MEF2A: variants seen among roughly 807,000 people sequenced by gnomAD.
The protein encoded by MEF2A is myocyte enhancer factor 2A, also known as myocyte-specific enhancer factor 2A.
In MEF2A, 28 loss-of-function variants were observed where a neutral mutation model predicts 55.8. That is an observed-to-expected ratio of 0.50 (90% CI 0.37 to 0.69). The LOEUF (loss-of-function observed/expected upper bound fraction) is 0.69, where lower values mean the gene tolerates loss of function less well. Ranked by LOEUF, MEF2A falls within the 30% of genes least tolerant of loss-of-function variation. The probability of loss-of-function intolerance (pLI) is 0.00; values close to 1 mark genes in which losing one functional copy is unlikely to be tolerated. For synonymous variants in MEF2A, 239 were observed against 227.1 expected, an observed-to-expected ratio of 1.05 and a Z score of -0.47; for missense variants, 528 against 626.2, an observed-to-expected ratio of 0.84 and a Z score of 1.67.
chr15:99,710,674 C>T lies in MEF2A; in HGVS notation c.1050C>T (p.Gly350=), dbSNP rs1201710418. The T allele has an allele frequency of 6.2e-7, 1 of 1,613,728 alleles. No homozygotes were observed. The highest frequency in any genetic ancestry group is 2.2e-5 in the East Asian group (1 of 44,874). Reference sequence around the variant, plus strand: ...GCGCTGACCTGTCAGCCCTTCAAGGCTTCAACTCGCCAGGAATGCTGTCGC... The same window carrying T: ...GCGCTGACCTGTCAGCCCTTCAAGGTTTCAACTCGCCAGGAATGCTGTCGC... ...LTSADLSALQ[G]FNSPGMLSLG... Residue 350 remains glycine (G), a synonymous_variant, in exon 11 of 12, where the codon GGC becomes GGT. Transcript: ENST00000557942.
At chr15:99,697,877 G>A (rs2056737873) in intron 8 of MEF2A, among the ~76,000 whole-genome samples, 2 of 152,238 alleles carry the variant, frequency 1.3e-5, no homozygotes, top group South Asian at 2.1e-4. Flanking sequence ...AAAAGGATGG[G>A]CACATAGATC....
Position 99,602,653 on chromosome 15 carries a change from G to GGGGTGT in MEF2A, c.-143+4143_-143+4144insGGTGTG, listed in dbSNP as rs1555454713. Reference sequence around the variant, plus strand: ...CCTGGTGGTTGCCTGACATTCCTGGGGTGTGTGTGTGTGTGTGTGTGTGTG... The same window carrying GGGGTGT: ...CCTGGTGGTTGCCTGACATTCCTGGGGGGTGTGTGTGTGTGTGTGTGTGTGTGTGTG... On this transcript the variant is annotated intron_variant, in intron 2 of 11. Coordinates refer to ENST00000557942, the MANE Select transcript of MEF2A (RefSeq NM_001319206.4). Among the ~76,000 whole-genome samples the GGGGTGT allele has an allele frequency of 5.7e-3, 254 of 44,842 alleles. 3 individuals are homozygous for GGGGTGT. Among genetic ancestry groups the GGGGTGT allele is most frequent in the East Asian group, 0.019 (22 of 1,146 alleles). The allele number at this position is 44,842 out of a possible 152,430, so 29.4% of individuals were successfully genotyped here. A position where few individuals can be genotyped will look rare whatever the true frequency, so the allele number is the denominator to read the frequency against.
intron 3 of MEF2A, among the ~76,000 whole-genome samples, chr15:99,633,933 A>G (rs1452954307): frequency 3.9e-5 from 6 of 152,260 alleles, no homozygotes; most frequent in Non-Finnish European, 8.8e-5. Context: ...TAGTTGCCCC[A>G]GAAACTATAT....
chr15:99,667,083 C>G (rs538349056), intron 4 of MEF2A, among the ~76,000 whole-genome samples: 2 of 152,276 alleles, frequency 1.3e-5, no homozygotes, highest in Admixed American at 6.5e-5. Flanking sequence ...CTTTTAAAAA[C>G]CAATACTTGC....
At chr15:99,653,329 A>G (rs1360795910) in intron 4 of MEF2A, among the ~76,000 whole-genome samples, 4 of 152,194 alleles carry the variant, frequency 2.6e-5, no homozygotes, top group Admixed American at 2.0e-4. Flanking sequence ...TTTTGAAGTT[A>G]TTTTTGTGGC....
In MEF2A at chr15:99,622,697, C is replaced by CTTTTTTTT. The variant is rs773855602; in HGVS notation, c.-142-10277_-142-10276insTTTTTTTT. Reference sequence around the variant, plus strand: ...CCACCATCCTTCTTTAGGATGTTTTCTTTTCTTTTTTTTTTTCTTTTTTGA... The same window carrying CTTTTTTTT: ...CCACCATCCTTCTTTAGGATGTTTTCTTTTTTTTTTTTCTTTTTTTTTTTCTTTTTTGA... On this transcript the variant is annotated intron_variant, in intron 2 of 11. Coordinates refer to ENST00000557942, the MANE Select transcript of MEF2A (RefSeq NM_001319206.4). Among the ~76,000 whole-genome samples the CTTTTTTTT allele has an allele frequency of 1.2e-3, 78 of 64,244 alleles. No individual in the cohort carries two copies. The South Asian group carries it at 0.014, about 11-fold the overall frequency. The allele number at this position is 64,244 out of a possible 152,430, so 42.1% of individuals were successfully genotyped here.
At chr15:99,565,620 C>T (rs537127968), upstream of MEF2A, 1 of 152,218 alleles carries the variant, frequency 6.6e-6, no homozygotes, top group South Asian at 2.1e-4. Flanking sequence ...AAAGCGAGCT[C>T]CAACCCGCGG....
At chr15:99,573,017 G>A (rs868608631) in intron 1 of MEF2A, among the ~76,000 whole-genome samples, 6 of 152,060 alleles carry the variant, frequency 3.9e-5, no homozygotes, top group East Asian at 1.9e-4. Context: ...GGCCGGGCGC[G>A]GTGGCTCACG....
intron 1 of MEF2A, among the ~76,000 whole-genome samples, chr15:99,572,567 G>A (rs1194117727): frequency 1.3e-5 from 2 of 152,196 alleles, no homozygotes; most frequent in Non-Finnish European, 2.9e-5. Flanking sequence ...GTATCCCCAG[G>A]CATTAGCATG....
At chr15:99,684,899 C>T (rs2053919373) in intron 7 of MEF2A, among the ~76,000 whole-genome samples, 1 of 152,142 alleles carries the variant, frequency 6.6e-6, no homozygotes, top group Non-Finnish European at 1.5e-5. Flanking sequence ...CAGTTTCTTT[C>T]TTCTACATGT....
chr15:99,646,427 GT>G (rs2045974126), intron 4 of MEF2A, among the ~76,000 whole-genome samples: 1 of 151,956 alleles, frequency 6.6e-6, no homozygotes, highest in African/African-American at 2.4e-5. Flanking sequence ...ACTTTTCCAT[GT>G]GTATTTCTAA....
Position 99,715,112 on chromosome 15 carries a change from T to C in MEF2A, c.*2341T>C, listed in dbSNP as rs946483965. 9 of 152,348 alleles carry C rather than the reference T, an allele frequency of 5.9e-5. No homozygotes were observed. The East Asian group carries it at 1.3e-3, about 23-fold the overall frequency. The allele number at this position is 152,348 out of a possible 1,614,324, so 9.4% of individuals were successfully genotyped here. A position where few individuals can be genotyped will look rare whatever the true frequency, so the allele number is the denominator to read the frequency against. ...ACTGAACTACTTACAGGCACATTTCTTCATAAGGCCACACCTAATCCAAAC... is the reference window on the plus strand; with the variant it reads ...ACTGAACTACTTACAGGCACATTTCCTCATAAGGCCACACCTAATCCAAAC... On this transcript the variant is annotated 3_prime_UTR_variant, in exon 12 of 12. Transcript: ENST00000557942.
At chr15:99,613,410 T>C (rs1214554520) in intron 2 of MEF2A, among the ~76,000 whole-genome samples, 1 of 152,222 alleles carries the variant, frequency 6.6e-6, no homozygotes, top group South Asian at 2.1e-4. Flanking sequence ...CAGTAGGAAC[T>C]GAGAGAACCT....
At chr15:99,689,000 G>A (rs2054845133) in intron 7 of MEF2A, among the ~76,000 whole-genome samples, 2 of 152,094 alleles carry the variant, frequency 1.3e-5, no homozygotes, top group South Asian at 4.1e-4. Context: ...TGCTATACAT[G>A]GGAAGAAGTA....
chr15:99,709,570 C>T (rs374937089), intron 10 of MEF2A, among the ~76,000 whole-genome samples: 2 of 152,186 alleles, frequency 1.3e-5, no homozygotes, highest in African/African-American at 2.4e-5. Flanking sequence ...GCTTCAACTC[C>T]GTTCCTTTTT....
At chr15:99,691,189 A>G (rs2055386200) in intron 8 of MEF2A, among the ~76,000 whole-genome samples, 1 of 147,630 alleles carries the variant, frequency 6.8e-6, no homozygotes, top group Admixed American at 6.9e-5. Flanking sequence ...AGCTCCCTCC[A>G]ACAGAGACAG....
At chr15:99,702,362 C>CT (rs1356608346) in intron 8 of MEF2A, among the ~76,000 whole-genome samples, 2 of 151,956 alleles carry the variant, frequency 1.3e-5, no homozygotes, top group Non-Finnish European at 2.9e-5. Context: ...CAAGTAAAAA[C>CT]TGATTAGACT....
intron 5 of MEF2A, 100 bp from the exon 6 acceptor site, chr15:99,674,293 T>C (rs1347812470): frequency 1.9e-6 from 2 of 1,068,722 alleles, no homozygotes; most frequent in Non-Finnish European, 2.7e-6. Flanking sequence ...TATCCTCTAC[T>C]TTTAGTAACT....
At chr15:99,669,878 C>A (rs2050514383) in intron 4 of MEF2A, among the ~76,000 whole-genome samples, 1 of 152,106 alleles carries the variant, frequency 6.6e-6, no homozygotes, top group South Asian at 2.1e-4. Flanking sequence ...TCAAAAATAT[C>A]TTTAGATCTA....
Sources: allele counts gnomAD v4.1 joint callset (sites outside exome capture counted in the v4.1 genomes callset), GRCh38; gene constraint gnomAD v4.1.1; transcripts MANE v1.5; gene names NCBI Gene and HGNC (gene_info 2026-07-23, HGNC 2026-07-21).